LYN: variants seen among roughly 807,000 people sequenced by gnomAD.
The protein encoded by LYN is LYN proto-oncogene, Src family tyrosine kinase, also known as tyrosine-protein kinase Lyn.
A neutral mutation model predicts 65.0 loss-of-function variants in LYN; 12 were observed. The ratio of observed to expected loss-of-function variants is 0.18; its 90% CI spans 0.12 to 0.30. LYN has a LOEUF of 0.30. Among genes scored for constraint, LYN ranks in the 10% least tolerant of loss-of-function variants. The pLI is 1.00. For missense variants in LYN, 380 were observed against 623.2 expected (o/e 0.61, Z 4.16); for synonymous variants, 222 against 221.2 (o/e 1.00, Z -0.03).
chr8:55,993,113 C>A (rs573030984), intron 10 of LYN, among the ~76,000 whole-genome samples: 1 of 152,236 alleles, frequency 6.6e-6, no homozygotes, highest in Non-Finnish European at 1.5e-5. Context: ...CCTAATACAA[C>A]CTTCTTTCCT....
At chr8:55,955,446 G>T (rs925831304) in intron 8 of LYN, among the ~76,000 whole-genome samples, 14 of 152,114 alleles carry the variant, frequency 9.2e-5, no homozygotes, top group Admixed American at 6.5e-4. Context: ...GGGTGTGAGT[G>T]CTCACTCTGA....
chr8:55,895,282 C>T (rs1805063061), intron 1 of LYN, among the ~76,000 whole-genome samples: 1 of 152,042 alleles, frequency 6.6e-6, no homozygotes, highest in South Asian at 2.1e-4. Context: ...CTGACCAGAG[C>T]AGAACAGTTT....
chr8:55,930,675 A>G (rs371054989), intron 1 of LYN, among the ~76,000 whole-genome samples: 7 of 152,150 alleles, frequency 4.6e-5, no homozygotes, highest in African/African-American at 1.7e-4. Context: ...AAATTGCTCA[A>G]CTAAGAGTTA....
chr8:55,890,274 C>A (rs763985380), intron 1 of LYN, among the ~76,000 whole-genome samples: 2 of 151,938 alleles, frequency 1.3e-5, no homozygotes, highest in Non-Finnish European at 2.9e-5. Flanking sequence ...ATTACACCAC[C>A]ACACTCCATC....
At chr8:55,912,053 G>A (rs1232408297) in intron 1 of LYN, among the ~76,000 whole-genome samples, 6 of 152,132 alleles carry the variant, frequency 3.9e-5, no homozygotes, top group Non-Finnish European at 8.8e-5. Context: ...CTGCTCAAAT[G>A]GAAGGAGAGA....
chr8:55,993,990 TG>T (rs1376354440), intron 10 of LYN, among the ~76,000 whole-genome samples: 1 of 152,200 alleles, frequency 6.6e-6, no homozygotes, highest in African/African-American at 2.4e-5. Flanking sequence ...GAACGCTACA[TG>T]GCCCTGGAAG....
At chr8:55,980,496 C>T (rs1192191714) in intron 10 of LYN, 1 of 152,468 alleles carries the variant, frequency 6.6e-6, no homozygotes, top group African/African-American at 2.4e-5. Flanking sequence ...ACCTCAGACT[C>T]CCAAGTAGCT....
intron 4 of LYN, among the ~76,000 whole-genome samples, chr8:55,948,236 A>G (rs1297567964): frequency 6.6e-6 from 1 of 152,178 alleles, no homozygotes; most frequent in Non-Finnish European, 1.5e-5. Flanking sequence ...GGCCTCCCAA[A>G]GTGCTGGGAT....
rs555744676 is a variant in LYN, at chr8:55,971,584, T to A, written c.1050+1791T>A. ...TCACAGCCGTTCCATCTGCTGGGGGTCTGATCTGTACCCACAGTTCTTTAG... is the reference window on the plus strand; with the variant it reads ...TCACAGCCGTTCCATCTGCTGGGGGACTGATCTGTACCCACAGTTCTTTAG... On this transcript the variant is annotated intron_variant, in intron 10 of 12. Transcript: ENST00000519728. Among the ~76,000 whole-genome samples, 3 of 152,190 alleles carry A rather than the reference T, an allele frequency of 2.0e-5. No homozygotes were observed. The East Asian group carries it at 5.8e-4, about 30-fold the overall frequency.
Position 56,010,529 on chromosome 8 carries a change from A to G in LYN, c.*419A>G, listed in dbSNP as rs968533335. 4.0e-6 allele frequency: 1 copy of G among 248,980 alleles called. No individual in the cohort carries two copies. The highest frequency in any genetic ancestry group is 2.2e-5 in the African/African-American group (1 of 45,530). The allele number at this position is 248,980 out of a possible 1,614,324, so 15.4% of individuals were successfully genotyped here. ...ATTTATAAAGCTAAAATAACCGGAT[A>G]TATACATAGCATGACATTTCTTTGT... On this transcript the variant is annotated 3_prime_UTR_variant, in exon 13 of 13. Coordinates refer to ENST00000519728, the MANE Select transcript of LYN (RefSeq NM_002350.4).
chr8:55,980,800 A>G (rs1270612524), intron 10 of LYN, among the ~76,000 whole-genome samples: 1 of 152,210 alleles, frequency 6.6e-6, no homozygotes. Context: ...AAATTACACC[A>G]TTTTAACCAT....
chr8:55,911,278 TATA>T (rs1427766964), intron 1 of LYN, among the ~76,000 whole-genome samples: 23 of 50,532 alleles, frequency 4.6e-4, no homozygotes, highest in African/African-American at 1.1e-3. Context: ...TATATATATA[TATA>T]TATATTTTTT....
chr8:55,975,006 C>A (rs1187756819), intron 10 of LYN, among the ~76,000 whole-genome samples: 3 of 152,086 alleles, frequency 2.0e-5, no homozygotes, highest in Non-Finnish European at 4.4e-5. Context: ...CTTACTGAGG[C>A]CTACACATTC....
At position 55,947,670 on chromosome 8, in the gene LYN, C is replaced by T; in HGVS notation, c.231C>T (p.Ile77=). 6.2e-7 allele frequency: 1 copy of T among 1,614,024 alleles called. No individual in the cohort carries two copies. Among genetic ancestry groups the T allele is most frequent in the Non-Finnish European group, 8.5e-7 (1 of 1,179,906 alleles). ...IVVALYPYDG[I]HPDDLSFKKG... is the part of the protein sequence containing the mutation. The stretch of plus-strand genomic sequence containing the variant: ...TAGCCTTGTACCCCTATGATGGCAT[C>T]CACCCGGACGACTTGTCTTTCAAGA... Residue 77 remains isoleucine, a synonymous_variant, in exon 4 of 13, where the codon ATC becomes ATT. Coordinates refer to ENST00000519728, the MANE Select transcript of LYN (RefSeq NM_002350.4).
At chr8:55,938,150 A>T (rs1225977985) in intron 1 of LYN, among the ~76,000 whole-genome samples, 1 of 152,206 alleles carries the variant, frequency 6.6e-6, no homozygotes, top group Non-Finnish European at 1.5e-5. Context: ...GAAAGACTTT[A>T]TAGAAAGAGA....
chr8:55,984,664 G>T (rs911966310), intron 10 of LYN, among the ~76,000 whole-genome samples: 1 of 152,210 alleles, frequency 6.6e-6, no homozygotes, highest in Non-Finnish European at 1.5e-5. Context: ...CTACTCCTGT[G>T]CTCAGCTGTG....
intron 10 of LYN, among the ~76,000 whole-genome samples, chr8:55,981,195 C>T (rs1231874937): frequency 6.6e-6 from 1 of 152,184 alleles, no homozygotes; most frequent in Non-Finnish European, 1.5e-5. Flanking sequence ...CTCTTATCAA[C>T]AGGCACCTTC....
intron 10 of LYN, among the ~76,000 whole-genome samples, chr8:55,995,751 C>T (rs1274336287): frequency 1.3e-5 from 2 of 151,744 alleles, no homozygotes; most frequent in African/African-American, 2.4e-5. Flanking sequence ...AGGAGGGGGT[C>T]GTGGTGAGGA....
At chr8:55,894,531 G>C (rs1452802827) in intron 1 of LYN, among the ~76,000 whole-genome samples, 1 of 138,516 alleles carries the variant, frequency 7.2e-6, no homozygotes, top group Non-Finnish European at 1.6e-5. Flanking sequence ...CACTACACCT[G>C]GCTAATTTTT....
Sources: gnomAD v4.1 joint callset for allele counts (sites outside exome capture counted in the v4.1 genomes callset) on GRCh38, gnomAD v4.1.1 for gene constraint, MANE v1.5 for transcripts, NCBI Gene and HGNC (gene_info 2026-07-23, HGNC 2026-07-21) for gene names.